Variants in RABGAP1L observed in about 807,000 individuals in gnomAD.
RABGAP1L encodes the protein RAB GTPase activating protein 1 like, also known as rab GTPase-activating protein 1-like.
In RABGAP1L, 63 loss-of-function variants were observed where a neutral mutation model predicts 137.7. The observed-to-expected ratio is 0.46, with a 90% confidence interval of 0.37 to 0.56. The LOEUF is 0.56. Ranked by LOEUF, RABGAP1L falls within the 20% of genes least tolerant of loss-of-function variation. RABGAP1L has a pLI of 0.00. For missense variants in RABGAP1L, 1,095 were observed against 1,244.0 expected (o/e 0.88, Z 1.80); for synonymous variants, 431 against 433.7 (o/e 0.99, Z 0.08).
intron 12 of RABGAP1L, among the ~76,000 whole-genome samples, chr1:174,379,145 T>C (rs1685877494): frequency 1.3e-5 from 2 of 148,882 alleles, no homozygotes; most frequent in African/African-American, 5.0e-5. Context: ...CATTGATCTA[T>C]ATCTCTGTTT....
chr1:174,954,376 T>TG (rs1394343510), intron 19 of RABGAP1L: 1 of 152,158 alleles, frequency 6.6e-6, no homozygotes, highest in African/African-American at 2.4e-5. Context: ...CTCAGCCAGA[T>TG]GGGAAAGGAT....
intron 19 of RABGAP1L, among the ~76,000 whole-genome samples, chr1:174,872,299 G>C (rs574527703): frequency 2.0e-5 from 3 of 152,202 alleles, no homozygotes; most frequent in African/African-American, 7.2e-5. Context: ...ATTTTAAAGA[G>C]AACAAGTTTA....
chr1:174,336,013 A>G (rs1681435233), intron 11 of RABGAP1L, among the ~76,000 whole-genome samples: 2 of 152,132 alleles, frequency 1.3e-5, no homozygotes, highest in Admixed American at 1.3e-4. Context: ...TAAAATCTGC[A>G]TTTTTTGTTG....
chr1:174,413,471 A>G (rs1172366794), intron 13 of RABGAP1L, among the ~76,000 whole-genome samples: 1 of 152,134 alleles, frequency 6.6e-6, no homozygotes, highest in East Asian at 1.9e-4. Flanking sequence ...GTTGGGGACC[A>G]TTGCTTGACA....
At chr1:174,321,037 AAG>A (rs1275305960) in intron 11 of RABGAP1L, among the ~76,000 whole-genome samples, 1 of 152,132 alleles carries the variant, frequency 6.6e-6, no homozygotes, top group Non-Finnish European at 1.5e-5. Context: ...AGCCCTGTGA[AAG>A]AGAATGCGTT....
Position 174,192,317 on chromosome 1 carries a change from TG to T in RABGAP1L, c.-33-26807del, listed in dbSNP as rs1199924856. On this transcript the variant is annotated intron_variant, in intron 1 of 25. Transcript: ENST00000681986. ...GAGTCACTTATCCACCTGTCTGAGG[TG>T]TTTTTTTTTTTTTTTTTTTTGGAGA... Among the ~76,000 whole-genome samples, 7 of 130,666 alleles carry T rather than the reference TG, an allele frequency of 5.4e-5. No homozygotes were observed. The East Asian group carries it at 1.2e-3, about 23-fold the overall frequency. 85.7% of individuals were successfully genotyped at this position (130,666 alleles called of 152,430 possible).
chr1:174,565,074 A>G (rs1667478814), intron 13 of RABGAP1L, among the ~76,000 whole-genome samples: 1 of 152,202 alleles, frequency 6.6e-6, no homozygotes, highest in Non-Finnish European at 1.5e-5. Context: ...TGCAGGCAGT[A>G]TGCTTTGAAG....
intron 11 of RABGAP1L, among the ~76,000 whole-genome samples, chr1:174,341,460 G>T (rs1681965290): frequency 6.6e-6 from 1 of 152,182 alleles, no homozygotes; most frequent in East Asian, 1.9e-4. Context: ...GCATTGGATA[G>T]GAGAGAATAT....
chr1:174,706,177 A>C (rs1293854651), intron 17 of RABGAP1L, among the ~76,000 whole-genome samples: 1 of 152,168 alleles, frequency 6.6e-6, no homozygotes, highest in Admixed American at 6.5e-5. Context: ...GGTTAAGCCA[A>C]TAAAGTTAAT....
At chr1:174,970,639 C>G (rs964197019) in intron 21 of RABGAP1L, among the ~76,000 whole-genome samples, 3 of 151,966 alleles carry the variant, frequency 2.0e-5, no homozygotes, top group South Asian at 2.1e-4. Flanking sequence ...CTAATGACTC[C>G]AGGAAGCAGT....
chr1:174,277,679 TG>T (rs1320979974), intron 9 of RABGAP1L, among the ~76,000 whole-genome samples: 1 of 152,106 alleles, frequency 6.6e-6, no homozygotes, highest in African/African-American at 2.4e-5. Flanking sequence ...AAATAAAGTT[TG>T]ATTTTTATGG....
intron 7 of RABGAP1L, among the ~76,000 whole-genome samples, chr1:174,255,996 C>T (rs1480132971): frequency 6.6e-6 from 1 of 152,208 alleles, no homozygotes; most frequent in African/African-American, 2.4e-5. Context: ...TATCAACATA[C>T]GTGAATTTAG....
intron 13 of RABGAP1L, among the ~76,000 whole-genome samples, chr1:174,398,870 C>T (rs1648206023): frequency 6.6e-6 from 1 of 152,098 alleles, no homozygotes; most frequent in African/African-American, 2.4e-5. Flanking sequence ...ATGAATTATT[C>T]TAAAAATATA....
chr1:174,561,538 C>G (rs972261329), intron 13 of RABGAP1L, among the ~76,000 whole-genome samples: 1 of 152,152 alleles, frequency 6.6e-6, no homozygotes, highest in Non-Finnish European at 1.5e-5. Flanking sequence ...CAAAAAAGAG[C>G]CCACATAGCC....
intron 13 of RABGAP1L, among the ~76,000 whole-genome samples, chr1:174,608,786 A>G (rs555180148): frequency 6.6e-6 from 1 of 152,150 alleles, no homozygotes. Context: ...TACTGTACAG[A>G]CTGATTGAAG....
chr1:174,803,744 C>T (rs1261508947), intron 18 of RABGAP1L, among the ~76,000 whole-genome samples: 2 of 151,528 alleles, frequency 1.3e-5, no homozygotes, highest in African/African-American at 2.4e-5. Context: ...AATACTCAAA[C>T]AGTGGAAATA....
At chr1:174,480,475 C>T (rs1171582488) in intron 13 of RABGAP1L, among the ~76,000 whole-genome samples, 1 of 152,190 alleles carries the variant, frequency 6.6e-6, no homozygotes. Context: ...AACTGCAGTG[C>T]AATCAAGGCC....
At chr1:174,542,182 T>G (rs1160327688) in intron 13 of RABGAP1L, among the ~76,000 whole-genome samples, 1 of 152,208 alleles carries the variant, frequency 6.6e-6, no homozygotes, top group Admixed American at 6.5e-5. Context: ...CAGTTCCTCC[T>G]TGTACCTCTG....
chr1:174,804,981 CAG>C (rs1400976281), intron 18 of RABGAP1L, among the ~76,000 whole-genome samples: 1 of 152,118 alleles, frequency 6.6e-6, no homozygotes, highest in African/African-American at 2.4e-5. Context: ...CAACTTATAA[CAG>C]AAGTTAAAAA....
Sources: gnomAD v4.1 joint callset for allele counts (sites outside exome capture counted in the v4.1 genomes callset) on GRCh38, gnomAD v4.1.1 for gene constraint, MANE v1.5 for transcripts, NCBI Gene and HGNC (gene_info 2026-07-23, HGNC 2026-07-21) for gene names.